The following MMP26 variants were observed in gnomAD, a reference collection of about 807,000 sequenced individuals.
MMP26 encodes matrix metalloproteinase-26.
A neutral mutation model predicts 31.0 loss-of-function variants in MMP26; 33 were observed. The ratio of observed to expected loss-of-function variants is 1.06; its 90% CI spans 0.81 to 1.42. The LOEUF (loss-of-function observed/expected upper bound fraction) is 1.42. Among genes scored for constraint, MMP26 ranks in the 40% most tolerant of loss-of-function variants. The pLI is 0.00. For missense variants in MMP26, 347 were observed against 316.1 expected, an observed-to-expected ratio of 1.10 and a Z score of -0.74; for synonymous variants, 122 against 114.9, an observed-to-expected ratio of 1.06 and a Z score of -0.40.
intron 2 of MMP26, chr11:4,908,345 A>G (rs1381040414): frequency 1.3e-6 from 2 of 1,550,098 alleles, no homozygotes; most frequent in East Asian, 4.5e-5. Flanking sequence ...ATCAACCAGT[A>G]GGCATTTACT....
intron 1 of MMP26, among the ~76,000 whole-genome samples, chr11:4,708,907 C>G (rs1159876950): frequency 6.6e-6 from 1 of 152,158 alleles, no homozygotes; most frequent in Non-Finnish European, 1.5e-5. Context: ...ATCAACTTCT[C>G]AATTATTACA....
At chr11:4,725,413 T>C (rs1848086145) in intron 1 of MMP26, among the ~76,000 whole-genome samples, 1 of 152,236 alleles carries the variant, frequency 6.6e-6, no homozygotes, top group Non-Finnish European at 1.5e-5. Context: ...TCTTTTTACA[T>C]ACCCTAATGG....
rs571622745 is a variant in MMP26, at chr11:4,989,587, T to C, written c.100-61T>C. 153 of 1,366,278 alleles carry C rather than the reference T, an allele frequency of 1.1e-4. 5 individuals carry two copies. The South Asian group carries it at 1.9e-3, about 17-fold the overall frequency. The allele number at this position is 1,366,278 out of a possible 1,614,324, so 84.6% of individuals were successfully genotyped here. A position where few individuals can be genotyped will look rare whatever the true frequency, so the allele number is the denominator to read the frequency against. ...CCCTCAAAGAAGGCTATGCCCAGGGTAACTGATATATGGGTCTTCCCTATT... is the reference window on the plus strand; with the variant it reads ...CCCTCAAAGAAGGCTATGCCCAGGGCAACTGATATATGGGTCTTCCCTATT... On this transcript the variant is annotated intron_variant, in intron 3 of 7. Transcript: ENST00000380390.
intron 1 of MMP26, among the ~76,000 whole-genome samples, chr11:4,731,568 C>A (rs1387540234): frequency 6.6e-6 from 1 of 152,148 alleles, no homozygotes; most frequent in East Asian, 1.9e-4. Context: ...CCCTCTCCTT[C>A]CACACTGATG....
chr11:4,865,667 AC>A (rs1361915722), intron 2 of MMP26, among the ~76,000 whole-genome samples: 3 of 152,040 alleles, frequency 2.0e-5, no homozygotes, highest in African/African-American at 7.2e-5. Flanking sequence ...TAGTTGTAGT[AC>A]CAGTAGTTTT....
At chr11:4,838,532 G>A (rs1849752147) in intron 2 of MMP26, among the ~76,000 whole-genome samples, 1 of 151,884 alleles carries the variant, frequency 6.6e-6, no homozygotes, top group Non-Finnish European at 1.5e-5. Flanking sequence ...GCATTGCTTG[G>A]AGTGGCATAA....
intron 2 of MMP26, among the ~76,000 whole-genome samples, chr11:4,964,204 G>T (rs1589820248): frequency 6.6e-6 from 1 of 152,164 alleles, no homozygotes; most frequent in Non-Finnish European, 1.5e-5. Context: ...GTTCTTAATG[G>T]TATTGCCTAG....
intron 1 of MMP26, among the ~76,000 whole-genome samples, chr11:4,721,072 C>T (rs7112177): frequency 0.32 from 48,887 of 152,022 alleles, 8,820 homozygotes; most frequent in East Asian, 0.42. Context: ...CTAGCCTCCC[C>T]CAATTAATGG....
intron 2 of MMP26, chr11:4,822,084 C>T: frequency 3.1e-6 from 5 of 1,613,424 alleles, no homozygotes; most frequent in Non-Finnish European, 3.4e-6. Flanking sequence ...TCTCCTATAT[C>T]CTGATCATTC....
At chr11:4,848,373 G>A (rs771591301) in intron 2 of MMP26, 4 of 1,614,128 alleles carry the variant, frequency 2.5e-6, no homozygotes, top group Admixed American at 3.3e-5. Context: ...AAGAGTATGG[G>A]TATGCTGAGT....
At chr11:4,735,318 A>ATG (rs755005839) in intron 1 of MMP26, among the ~76,000 whole-genome samples, 8 of 152,128 alleles carry the variant, frequency 5.3e-5, no homozygotes, top group African/African-American at 1.7e-4. Flanking sequence ...CACTATATAT[A>ATG]TGTGTGTGTG....
At chr11:4,894,929 C>G (rs918468932) in intron 2 of MMP26, among the ~76,000 whole-genome samples, 1 of 152,116 alleles carries the variant, frequency 6.6e-6, no homozygotes, top group African/African-American at 2.4e-5. Context: ...GTGTATAGAG[C>G]TCTGTGGCAT....
intron 2 of MMP26, chr11:4,822,506 T>G: frequency 1.2e-6 from 1 of 810,114 alleles, no homozygotes; most frequent in African/African-American, 1.8e-5. Flanking sequence ...GTGACATTTA[T>G]TTAGTCAATT....
chr11:4,877,710 G>T (rs1311459054), intron 2 of MMP26: 2 of 152,088 alleles, frequency 1.3e-5, no homozygotes, highest in Admixed American at 6.6e-5. Flanking sequence ...AATTTTAATT[G>T]ATTTAAATGT....
intron 2 of MMP26, among the ~76,000 whole-genome samples, chr11:4,888,517 A>G (rs1000734586): frequency 6.6e-6 from 1 of 152,142 alleles, no homozygotes; most frequent in Non-Finnish European, 1.5e-5. Flanking sequence ...AGAACAGCTA[A>G]TCAAGAATAT....
intron 2 of MMP26, chr11:4,924,404 T>G (rs1398591677): frequency 1.3e-6 from 2 of 1,481,610 alleles, no homozygotes; most frequent in East Asian, 2.3e-5. Flanking sequence ...GTGACAAGGC[T>G]GAATTCTCAC....
chr11:4,816,581 C>A (rs1252832100), intron 2 of MMP26, among the ~76,000 whole-genome samples: 1 of 148,440 alleles, frequency 6.7e-6, no homozygotes, highest in African/African-American at 2.5e-5. Flanking sequence ...CCAGAGACAA[C>A]ATAAAAGTTC....
chr11:4,813,726 T>C (rs1849381825), intron 2 of MMP26, among the ~76,000 whole-genome samples: 1 of 150,906 alleles, frequency 6.6e-6, no homozygotes, highest in South Asian at 2.1e-4. Flanking sequence ...AAAAGTACAG[T>C]AATATTTTTA....
At chr11:4,745,379 C>T (rs1848366539) in intron 1 of MMP26, among the ~76,000 whole-genome samples, 1 of 152,172 alleles carries the variant, frequency 6.6e-6, no homozygotes, top group Non-Finnish European at 1.5e-5. Flanking sequence ...ATTCTCAGGC[C>T]TCATCCCAGA....
Sources: allele counts gnomAD v4.1 joint callset (sites outside exome capture counted in the v4.1 genomes callset), GRCh38; gene constraint gnomAD v4.1.1; transcripts MANE v1.5; gene names NCBI Gene and HGNC (gene_info 2026-07-23, HGNC 2026-07-21).